The following SRR variants were observed in gnomAD, a reference collection of about 807,000 sequenced individuals.
SRR encodes the protein D-serine ammonia-lyase.
A neutral mutation model predicts 32.7 loss-of-function variants in SRR; 19 were observed. The ratio of observed to expected loss-of-function variants is 0.58; its 90% CI spans 0.40 to 0.85. SRR has a LOEUF of 0.85. SRR is among the 40% of genes least tolerant of loss of function. SRR has a pLI of 0.00. For missense variants in SRR, 373 were observed against 404.7 expected (o/e 0.92, Z 0.67); for synonymous variants, 142 against 140.9 (o/e 1.01, Z -0.06).
At chr17:2,306,918 C>T in intron 1 of SRR, 2 of 1,025,470 alleles carry the variant, frequency 2.0e-6, no homozygotes, top group Non-Finnish European at 3.0e-6. Context: ...ACACCAAGCA[C>T]TCCAGGGGCT....
chr17:2,316,924 A>C (rs2075478592), intron 2 of SRR, among the ~76,000 whole-genome samples: 1 of 133,728 alleles, frequency 7.5e-6, no homozygotes, highest in African/African-American at 2.9e-5. Context: ...ACAGGGTTTC[A>C]CCGTGTTAGC....
chr17:2,317,209 A>G (rs1333184856), intron 2 of SRR, among the ~76,000 whole-genome samples: 6 of 50,080 alleles, frequency 1.2e-4, no homozygotes, highest in African/African-American at 1.8e-4. Context: ...TCTCGGGGGA[A>G]AAAAAAAAAA....
intron 1 of SRR, among the ~76,000 whole-genome samples, chr17:2,305,447 A>C (rs1227458525): frequency 6.6e-6 from 1 of 152,216 alleles, no homozygotes; most frequent in Non-Finnish European, 1.5e-5. Context: ...GTAATAGATA[A>C]AAACTGAGAG....
In SRR at chr17:2,323,639, C is replaced by G. The variant is rs558698941; in HGVS notation, c.805-16C>G. 6.3e-4 allele frequency: 1,009 copies of G among 1,612,536 alleles called. 14 individuals are homozygous for G. The South Asian group carries it at 0.011, about 17-fold the overall frequency. On this transcript the variant is annotated splice_polypyrimidine_tract_variant and intron_variant, in intron 7 of 7. Coordinates refer to ENST00000344595, the MANE Select transcript of SRR (RefSeq NM_021947.3). ...ACTCCCCTTTCACTAATTCCTACTC[C>G]CTTCCATATCAACAGTGTGCAACCC...
intron 1 of SRR, chr17:2,307,551 T>A: frequency 1.7e-6 from 2 of 1,145,824 alleles, no homozygotes; most frequent in Non-Finnish European, 2.6e-6. Context: ...TTTTGGCAAT[T>A]ACAACAATTA....
chr17:2,303,791 G>T, upstream of SRR: 2 of 1,302,280 alleles, frequency 1.5e-6, no homozygotes, highest in South Asian at 1.4e-5. Flanking sequence ...ACCACAGACG[G>T]GCGGCGCGCG....
At chr17:2,316,040 TTCAG>T (rs1220478250) in intron 2 of SRR, among the ~76,000 whole-genome samples, 5 of 152,154 alleles carry the variant, frequency 3.3e-5, no homozygotes, top group African/African-American at 1.2e-4. Context: ...CACATAACGT[TTCAG>T]TCAATGACAG....
intron 1 of SRR, among the ~76,000 whole-genome samples, chr17:2,308,011 G>A (rs1384678029): frequency 1.4e-5 from 2 of 147,152 alleles, no homozygotes; most frequent in Non-Finnish European, 3.0e-5. Context: ...ATTGCTAAAT[G>A]TAATAGTCTG....
At chr17:2,315,070 C>T (rs1279338684) in intron 1 of SRR, among the ~76,000 whole-genome samples, 3 of 151,044 alleles carry the variant, frequency 2.0e-5, no homozygotes, top group African/African-American at 7.3e-5. Flanking sequence ...GGTGAAACCC[C>T]GTGTCTACTA....
rs772639833 is a variant in SRR at position 2,324,710 on chromosome 17, G to A, written c.*837G>A. On this transcript the variant is annotated 3_prime_UTR_variant, in exon 8 of 8. Transcript: ENST00000344595. ...CCACCTCTGTTGAAGAACATGTAACGTACTACTGCCATCTTAGTAAAAATT... is the reference window on the plus strand; with the variant it reads ...CCACCTCTGTTGAAGAACATGTAACATACTACTGCCATCTTAGTAAAAATT... 37 of 1,614,060 alleles carry A rather than the reference G, an allele frequency of 2.3e-5. No individual in the cohort carries two copies. The highest frequency in any genetic ancestry group is 4.5e-5 in the East Asian group (2 of 44,884).
chr17:2,303,604 C>A, upstream of SRR: 2 of 1,414,568 alleles, frequency 1.4e-6, no homozygotes, highest in South Asian at 1.4e-5. Context: ...CGGGCAGGCC[C>A]GGCCCAGGAG....
In SRR at chr17:2,321,263, C is replaced by T. The variant is rs1339715131; in HGVS notation, c.400-43C>T. On this transcript the variant is annotated intron_variant, in intron 4 of 7. Coordinates refer to ENST00000344595, the MANE Select transcript of SRR (RefSeq NM_021947.3). ...GACCAAATGGAACTTGTTGGGGACTCTATTAAATACAAATCAATTAAGCTA... is the reference window on the plus strand; with the variant it reads ...GACCAAATGGAACTTGTTGGGGACTTTATTAAATACAAATCAATTAAGCTA... The T allele has an allele frequency of 1.3e-5, 21 of 1,603,418 alleles. No homozygotes were observed. In the South Asian group the frequency reaches 1.7e-4, roughly 13 times the overall value.
chr17:2,323,415 G>C, intron 7 of SRR, 70 bp downstream of exon 7: 1 of 1,572,252 alleles, frequency 6.4e-7, no homozygotes, highest in Non-Finnish European at 8.7e-7. Context: ...ACTTCCCTTA[G>C]GAGTAGCAAG....
intron 4 of SRR, among the ~76,000 whole-genome samples, chr17:2,320,715 C>T (rs1597268540): frequency 6.6e-6 from 1 of 152,106 alleles, no homozygotes; most frequent in Admixed American, 6.5e-5. Context: ...GCGCGTGCCA[C>T]CACATCTGGC....
At position 2,310,648 on chromosome 17, in the gene SRR, G is replaced by A. The variant is rs1035614307; in HGVS notation, c.-4-4909G>A. Among the ~76,000 whole-genome samples the A allele has an allele frequency of 4.0e-5, 6 of 151,778 alleles. No individual in the cohort carries two copies. In the East Asian group the frequency reaches 5.8e-4, roughly 15 times the overall value. On this transcript the variant is annotated intron_variant, in intron 1 of 7. Transcript: ENST00000344595. Reference sequence around the variant, plus strand: ...GGCTGGAGTGCAGTGGAACATTCTCGGCTTACTGCAACCTTTGCCTTCCAG... The same window carrying A: ...GGCTGGAGTGCAGTGGAACATTCTCAGCTTACTGCAACCTTTGCCTTCCAG...
chr17:2,315,481 C>A (rs369754855), intron 1 of SRR, 76 bp from the exon 2 acceptor site: 3 of 1,400,910 alleles, frequency 2.1e-6, no homozygotes, highest in Non-Finnish European at 2.9e-6. Flanking sequence ...TATTCTGTTA[C>A]GTATTTTCAA....
At chr17:2,314,626 G>C (rs557915180) in intron 1 of SRR, among the ~76,000 whole-genome samples, 125 of 150,386 alleles carry the variant, frequency 8.3e-4, no homozygotes, top group African/African-American at 2.9e-3. Flanking sequence ...GGTGGTGCAT[G>C]CCTGTAATCT....
chr17:2,311,028 G>C (rs1017914886), intron 1 of SRR, among the ~76,000 whole-genome samples: 1 of 150,772 alleles, frequency 6.6e-6, no homozygotes, highest in Admixed American at 6.7e-5. Context: ...TTACAGGCGT[G>C]ACCCACCACG....
chr17:2,318,464 CTTTTT>C (rs1170914950), intron 3 of SRR, among the ~76,000 whole-genome samples: 4 of 126,570 alleles, frequency 3.2e-5, no homozygotes, highest in Non-Finnish European at 3.4e-5. Context: ...ATGTTTCTTT[CTTTTT>C]TTTTTTTTTT....
Sources: gnomAD v4.1 joint callset for allele counts (sites outside exome capture counted in the v4.1 genomes callset) on GRCh38, gnomAD v4.1.1 for gene constraint, MANE v1.5 for transcripts, NCBI Gene and HGNC (gene_info 2026-07-23, HGNC 2026-07-21) for gene names.